The following ZNF490 variants were observed in gnomAD, a reference collection of about 807,000 sequenced individuals.
ZNF490 encodes the protein zinc finger protein 490.
ZNF490 carries 11 observed loss-of-function variants against 17.7 expected under a neutral mutation model. The ratio of observed to expected loss-of-function variants is 0.62; its 90% CI spans 0.39 to 1.03. The LOEUF (loss-of-function observed/expected upper bound fraction) is 1.03, where lower values mean the gene tolerates loss of function less well. ZNF490 is among the 50% of genes least tolerant of loss of function. The pLI, the probability that ZNF490 is intolerant of heterozygous loss-of-function variation, is 0.00. For missense variants in ZNF490, 542 were observed against 643.4 expected (o/e 0.84, Z 1.71); for synonymous variants, 222 against 216.1 (o/e 1.03, Z -0.24).
intron 2 of ZNF490, among the ~76,000 whole-genome samples, chr19:12,598,673 G>A (rs924432399): frequency 6.7e-5 from 10 of 148,428 alleles, no homozygotes; most frequent in African/African-American, 1.2e-4. Context: ...CACCATGCCC[G>A]TCAATAATTC....
chr19:12,578,912 T>C lies in ZNF490; in HGVS notation c.*1573A>G. The C allele has an allele frequency of 1.0e-6, 1 of 985,440 alleles. No individual in the cohort carries two copies. The highest frequency in any genetic ancestry group is 4.7e-5 in the South Asian group (1 of 21,292). The allele number at this position is 985,440 out of a possible 1,614,324, so 61.0% of individuals were successfully genotyped here. On this transcript the variant is annotated 3_prime_UTR_variant, in exon 5 of 5. Coordinates refer to ENST00000311437, the MANE Select transcript of ZNF490 (RefSeq NM_020714.3). ...GTCATTGAAGATGTTCCCATATTGC[T>C]TACATTTAAGAAGGTGGCTCTCCAG...
rs149100792 is a variant in ZNF490 at position 12,582,909 on chromosome 19, C to T, written c.291G>A (p.Gly97=). The T allele has an allele frequency of 9.3e-5, 150 of 1,610,688 alleles. No individual in the cohort carries two copies. Among genetic ancestry groups the T allele is most frequent in the Middle Eastern group, 3.3e-4 (2 of 6,072 alleles). The change falls in exon 4 of 5, where the codon GGG becomes GGA. Residue 97 remains glycine (G), a splice_region_variant and synonymous_variant. Coordinates refer to ENST00000311437, the MANE Select transcript of ZNF490 (RefSeq NM_020714.3). ...CAATATCCTGGTCTTTCCATTTTTC[C>T]CCTAAAATACAAGCCCAGAGAACTC... ...RATFKNLACI[G]EKWKDQDIED...
In ZNF490 at chr19:12,610,613, C is replaced by T. The variant is rs756235155; in HGVS notation, c.68G>A (p.Trp23Ter). 12 of 1,613,904 alleles carry T rather than the reference C, an allele frequency of 7.4e-6. No individual in the cohort carries two copies. Among genetic ancestry groups the T allele is most frequent in the East Asian group, 4.5e-5 (2 of 44,890 alleles). Residue 23 changes from tryptophan (W) to a stop codon, truncating the protein, a stop_gained, in exon 1 of 5, where the codon TGG becomes TAG. Coordinates refer to ENST00000311437, the MANE Select transcript of ZNF490 (RefSeq NM_020714.3). LOFTEE classifies it high-confidence loss of function. ...TCCTGTGCGGCCTTGACTAGACGACCACTTGCTCTGGACTTGCTCCTCGAG... is the reference window on the plus strand; with the variant it reads ...TCCTGTGCGGCCTTGACTAGACGACTACTTGCTCTGGACTTGCTCCTCGAG... The part of the protein sequence containing the change: ...RPLEEQVQSK[W>*]SSSQGRTGTG...
chr19:12,597,288 A>G (rs553800728), intron 2 of ZNF490: 12 of 435,342 alleles, frequency 2.8e-5, no homozygotes, highest in African/African-American at 2.2e-4. Context: ...TAGAATAAGG[A>G]TGTTCACACG....
At chr19:12,592,592 C>G (rs1165874457) in intron 2 of ZNF490, among the ~76,000 whole-genome samples, 4 of 151,964 alleles carry the variant, frequency 2.6e-5, no homozygotes, top group African/African-American at 9.7e-5. Flanking sequence ...AGGAGAAGCA[C>G]AGGGGATATT....
Position 12,576,174 on chromosome 19 carries a change from G to T in ZNF490, c.*4311C>A, listed in dbSNP as rs1446430082. ...TATTTGCTCTCACCAGCTCCATTCA[G>T]TGTTAAGGGGGGTGCTCCCAGGGAA... On this transcript the variant is annotated 3_prime_UTR_variant, in exon 5 of 5. Transcript: ENST00000311437. Among the ~76,000 whole-genome samples, 1 of 152,096 alleles carries T rather than the reference G, an allele frequency of 6.6e-6. No homozygotes were observed. Among genetic ancestry groups the T allele is most frequent in the Non-Finnish European group, 1.5e-5 (1 of 68,014 alleles).
chr19:12,582,743 G>T, intron 4 of ZNF490, 107 bp downstream of exon 4: 2 of 1,025,328 alleles, frequency 2.0e-6, no homozygotes, highest in Non-Finnish European at 1.5e-6. Flanking sequence ...TTCTAAGAAT[G>T]AATAAACCTG....
chr19:12,610,554 C>T lies in ZNF490; in HGVS notation c.117+10G>A. On this transcript the variant is annotated intron_variant, in intron 1 of 4. Transcript: ENST00000311437. The stretch of plus-strand genomic sequence containing the variant: ...AGAGGCCTTACAACATTATGCCAAG[C>T]CCCTGGTACCTGGAGGACATCAGAC... 6.2e-7 allele frequency: 1 copy of T among 1,608,638 alleles called. No individual in the cohort carries two copies. The highest frequency in any genetic ancestry group is 8.5e-7 in the Non-Finnish European group (1 of 1,175,278).
Position 12,583,501 on chromosome 19 carries a change from A to G in ZNF490, c.218T>C (p.Leu73Ser). The change falls in exon 3 of 5, where the codon TTG becomes TCG. Residue 73 changes from leucine (L) to serine (S), a missense_variant. By Grantham distance (145) the Leu-to-Ser change is moderately radical (BLOSUM62 -2). Coordinates refer to ENST00000311437, the MANE Select transcript of ZNF490 (RefSeq NM_020714.3). ...AVNFTLEEWA[L>S]LDPGQRNIYR... Reference sequence around the variant, plus strand: ...GATATTCCTCTGGCCAGGATCCAGCAAAGCCCACTCCTCCAGGGTGAAGTT... The same window carrying G: ...GATATTCCTCTGGCCAGGATCCAGCGAAGCCCACTCCTCCAGGGTGAAGTT... 1 of 1,607,030 alleles carries G rather than the reference A, an allele frequency of 6.2e-7. No homozygotes were observed. The highest frequency in any genetic ancestry group is 8.5e-7 in the Non-Finnish European group (1 of 1,175,378).
Position 12,578,012 on chromosome 19 carries a change from G to A in ZNF490, c.*2473C>T. 1.0e-6 allele frequency: 1 copy of A among 985,458 alleles called. No individual in the cohort carries two copies. 61.0% of individuals were successfully genotyped at this position (985,458 alleles called of 1,614,324 possible). On this transcript the variant is annotated 3_prime_UTR_variant, in exon 5 of 5. Coordinates refer to ENST00000311437, the MANE Select transcript of ZNF490 (RefSeq NM_020714.3). ...AGTTCACCTTGCCTTGTGATGTGAA[G>A]CAAGGTAGTTCCATGGCTTGTGAAC...
Position 12,580,338 on chromosome 19 carries a change from C to A in ZNF490, c.*147G>T. 6.9e-7 allele frequency: 1 copy of A among 1,450,570 alleles called. No homozygotes were observed. The highest frequency in any genetic ancestry group is 9.0e-7 in the Non-Finnish European group (1 of 1,107,158). The allele number at this position is 1,450,570 out of a possible 1,614,324, so 89.9% of individuals were successfully genotyped here. On this transcript the variant is annotated 3_prime_UTR_variant, in exon 5 of 5. Coordinates refer to ENST00000311437, the MANE Select transcript of ZNF490 (RefSeq NM_020714.3). ...CCCCCATTTGTTAAATATTTCATTG[C>A]CGCATGAGTCACGTCTTCAAAGGGA...
intron 2 of ZNF490, among the ~76,000 whole-genome samples, chr19:12,599,023 G>A (rs548279797): frequency 6.8e-6 from 1 of 146,728 alleles, no homozygotes; most frequent in Non-Finnish European, 1.5e-5. Context: ...TGGTGGCGGG[G>A]TGCCTGTGAT....
Position 12,580,480 on chromosome 19 carries a change from C to T in ZNF490, c.*5G>A. The T allele has an allele frequency of 1.3e-6, 2 of 1,571,104 alleles. No individual in the cohort carries two copies. On this transcript the variant is annotated 3_prime_UTR_variant, in exon 5 of 5. Coordinates refer to ENST00000311437, the MANE Select transcript of ZNF490 (RefSeq NM_020714.3). ...CAACTGACAGCATTACCACACTTTA[C>T]TTTCTTAGGGCTTCTGTCTACTATG...
intron 2 of ZNF490, among the ~76,000 whole-genome samples, chr19:12,607,081 C>T (rs1017669261): frequency 1.1e-4 from 17 of 152,094 alleles, no homozygotes; most frequent in African/African-American, 4.1e-4. Context: ...GTAGCTCACG[C>T]CTACCATCCC....
intron 2 of ZNF490, among the ~76,000 whole-genome samples, chr19:12,602,127 C>CACACACACACACACACAT (rs35798638): frequency 4.2e-5 from 6 of 141,986 alleles, no homozygotes; most frequent in Admixed American, 7.1e-5. Context: ...CACACACACA[C>CACACACACACACACACAT]ATATATGGGC....
At chr19:12,601,924 G>A (rs2023009937) in intron 2 of ZNF490, among the ~76,000 whole-genome samples, 1 of 151,578 alleles carries the variant, frequency 6.6e-6, no homozygotes, top group Admixed American at 6.6e-5. Context: ...AACCCGGGAG[G>A]CGGAGCTTGC....
At chr19:12,594,005 C>T (rs1223961726) in intron 2 of ZNF490, among the ~76,000 whole-genome samples, 1 of 152,134 alleles carries the variant, frequency 6.6e-6, no homozygotes, top group East Asian at 1.9e-4. Context: ...AGTCACATGC[C>T]CAGGGCCCAG....
Position 12,600,169 on chromosome 19 carries a change from T to C in ZNF490, c.162+8989A>G, listed in dbSNP as rs142393480. On this transcript the variant is annotated intron_variant, in intron 2 of 4. Transcript: ENST00000311437. ...CGAGGTTAGGAGATCGAGACCATCC[T>C]GGCTAACATGGTGAAACCCCGTCTC... Among the ~76,000 whole-genome samples the C allele has an allele frequency of 9.0e-3, 1,363 of 152,036 alleles. 15 individuals are homozygous for C. Among genetic ancestry groups the C allele is most frequent in the Middle Eastern group, 0.031 (9 of 294 alleles).
intron 3 of ZNF490, 24 bp downstream of exon 3, chr19:12,583,406 G>C (rs987996724): frequency 7.0e-6 from 11 of 1,565,598 alleles, no homozygotes; most frequent in South Asian, 1.1e-5. Context: ...CCTTAATTAA[G>C]TAGAGAAATT....
Sources: allele counts gnomAD v4.1 joint callset (sites outside exome capture counted in the v4.1 genomes callset), GRCh38; gene constraint gnomAD v4.1.1; transcripts MANE v1.5; gene names NCBI Gene and HGNC (gene_info 2026-07-23, HGNC 2026-07-21).